EPB41L3: variants seen among roughly 807,000 people sequenced by gnomAD.
The protein encoded by EPB41L3 is band 4.1-like protein 3.
In EPB41L3, 57 loss-of-function variants were observed where a neutral mutation model predicts 127.1. The ratio of observed to expected loss-of-function variants is 0.45; its 90% CI spans 0.36 to 0.56. The LOEUF (loss-of-function observed/expected upper bound fraction) is 0.56, where lower values mean the gene tolerates loss of function less well. Ranked by LOEUF, EPB41L3 falls within the 20% of genes least tolerant of loss-of-function variation. EPB41L3 has a pLI of 0.00. For missense variants in EPB41L3, 1,273 were observed against 1,372.2 expected (o/e 0.93, Z 1.14); for synonymous variants, 572 against 549.5 (o/e 1.04, Z -0.57).
chr18:5,469,446 CATGCCTGGCT>C (rs56180732), intron 3 of EPB41L3, among the ~76,000 whole-genome samples: 3 of 152,104 alleles, frequency 2.0e-5, no homozygotes, highest in Non-Finnish European at 4.4e-5. Flanking sequence ...TAGCAGCCAG[CATGCCTGGCT>C]GTGTGTATGC....
chr18:5,605,128 A>G (rs1356309358), intron 3 of EPB41L3, among the ~76,000 whole-genome samples: 2 of 152,020 alleles, frequency 1.3e-5, no homozygotes, highest in Admixed American at 1.3e-4. Flanking sequence ...ATTAGAAACA[A>G]CTTGGAAGTC....
At chr18:5,443,710 G>T in intron 5 of EPB41L3, 128 bp downstream of exon 5, 1 of 670,344 alleles carries the variant, frequency 1.5e-6, no homozygotes, top group Non-Finnish European at 2.5e-6. Context: ...TATCGGAATT[G>T]CCAGATCAAA....
intron 3 of EPB41L3, among the ~76,000 whole-genome samples, chr18:5,561,269 G>A (rs565002874): frequency 2.7e-4 from 41 of 152,200 alleles, no homozygotes; most frequent in African/African-American, 8.7e-4. Context: ...GAGCCACCGC[G>A]CCTGGCCAGT....
chr18:5,610,098 C>G, intron 3 of EPB41L3: 2 of 985,306 alleles, frequency 2.0e-6, no homozygotes, highest in Non-Finnish European at 2.4e-6. Flanking sequence ...TCTTCTTCCC[C>G]AAACAAAGAG....
At chr18:5,537,216 T>A in intron 1 of EPB41L3, among the ~76,000 whole-genome samples, 1 of 152,224 alleles carries the variant, frequency 6.6e-6, no homozygotes, top group East Asian at 1.9e-4. Context: ...TTTTTTGGTT[T>A]TTCTGTATTG....
chr18:5,454,203 TTC>T, intron 3 of EPB41L3, among the ~76,000 whole-genome samples: 1 of 150,100 alleles, frequency 6.7e-6, no homozygotes, highest in East Asian at 2.0e-4. Context: ...TTTTTTTTGT[TTC>T]CTTGTTTTTT....
At chr18:5,459,816 A>T (rs1378115587) in intron 3 of EPB41L3, among the ~76,000 whole-genome samples, 2 of 152,258 alleles carry the variant, frequency 1.3e-5, no homozygotes, top group African/African-American at 4.8e-5. Context: ...TTTCTAAAAT[A>T]AACTATTATC....
chr18:5,617,197 T>A (rs1420209573), intron 1 of EPB41L3, among the ~76,000 whole-genome samples: 2 of 152,184 alleles, frequency 1.3e-5, no homozygotes, highest in Non-Finnish European at 2.9e-5. Context: ...CCATATTTTA[T>A]TCACATTTAA....
upstream of EPB41L3, among the ~76,000 whole-genome samples, chr18:5,629,777 C>T (rs1223480313): frequency 1.3e-5 from 2 of 152,182 alleles, no homozygotes; most frequent in Admixed American, 6.5e-5. Context: ...GCGTCCAGCC[C>T]ACAACTAGGC....
In EPB41L3 at chr18:5,438,052, T is replaced by C. The variant is rs765246526; in HGVS notation, c.588A>G (p.Leu196=). The change falls in exon 6 of 23, where the codon CTA becomes CTG. Residue 196 remains leucine (L), a synonymous_variant. Coordinates refer to ENST00000341928, the MANE Select transcript of EPB41L3 (RefSeq NM_012307.5). ...VKFYPPDPAQ[L]SEDITRYYLC... ...TCAAATACCTGGTGATATCTTCAGA[T>C]AGTTGGGCAGGGTCTGGTGGATAAA... The C allele has an allele frequency of 1.9e-6, 3 of 1,613,788 alleles. No homozygotes were observed. The highest frequency in any genetic ancestry group is 1.7e-6 in the Non-Finnish European group (2 of 1,179,900).
intron 2 of EPB41L3, among the ~76,000 whole-genome samples, chr18:5,478,740 A>G: frequency 6.6e-6 from 1 of 152,188 alleles, no homozygotes; most frequent in East Asian, 1.9e-4. Flanking sequence ...TGACTTTTTA[A>G]AAAGGATTGG....
At chr18:5,396,118 A>G (rs763721094) in intron 19 of EPB41L3, 83 bp downstream of exon 19, 3 of 1,516,032 alleles carry the variant, frequency 2.0e-6, no homozygotes, top group Non-Finnish European at 2.7e-6. Flanking sequence ...TGAATTAAAT[A>G]TCGTGCAGTT....
At chr18:5,544,025 G>C, upstream of EPB41L3, 1 of 985,584 alleles carries the variant, frequency 1.0e-6, no homozygotes, top group Non-Finnish European at 1.2e-6. Flanking sequence ...CGCAGCCCAG[G>C]GCTGCTCGCC....
chr18:5,588,950 C>T (rs1205395616), intron 3 of EPB41L3, among the ~76,000 whole-genome samples: 6 of 115,016 alleles, frequency 5.2e-5, no homozygotes, highest in African/African-American at 1.6e-4. Context: ...CTTCTCAGTT[C>T]AATAAAAAAA....
At chr18:5,411,447 G>T (rs1467047363) in intron 13 of EPB41L3, among the ~76,000 whole-genome samples, 1 of 152,124 alleles carries the variant, frequency 6.6e-6, no homozygotes, top group Non-Finnish European at 1.5e-5. Flanking sequence ...ACAAAGCACA[G>T]CATTTGACAG....
chr18:5,494,885 C>T (rs1018127375), intron 1 of EPB41L3, among the ~76,000 whole-genome samples: 11 of 152,166 alleles, frequency 7.2e-5, no homozygotes, highest in East Asian at 3.9e-4. Context: ...CCTGCAAGGC[C>T]GCCTGACCCT....
chr18:5,512,330 G>A (rs2092566735), intron 1 of EPB41L3, among the ~76,000 whole-genome samples: 2 of 152,164 alleles, frequency 1.3e-5, no homozygotes, highest in Non-Finnish European at 2.9e-5. Flanking sequence ...AACCTTGACT[G>A]GGGAGATCAG....
chr18:5,593,145 T>C (rs1022149227), intron 3 of EPB41L3, among the ~76,000 whole-genome samples: 4 of 152,128 alleles, frequency 2.6e-5, no homozygotes, highest in African/African-American at 9.7e-5. Context: ...TTTACTGTTC[T>C]TTTTTAGCAT....
intron 3 of EPB41L3, among the ~76,000 whole-genome samples, chr18:5,571,618 A>G (rs2094281708): frequency 6.6e-6 from 1 of 152,250 alleles, no homozygotes; most frequent in African/African-American, 2.4e-5. Flanking sequence ...AGTTAGAATC[A>G]TATCCCACAT....
Sources: allele counts gnomAD v4.1 joint callset (sites outside exome capture counted in the v4.1 genomes callset), GRCh38; gene constraint gnomAD v4.1.1; transcripts MANE v1.5; gene names NCBI Gene and HGNC (gene_info 2026-07-23, HGNC 2026-07-21).